The following EXOC4 variants were observed in gnomAD, a reference collection of about 807,000 sequenced individuals.
EXOC4 encodes the protein SEC8-like 1.
In EXOC4, 71 loss-of-function variants were observed where a neutral mutation model predicts 107.2. That is an observed-to-expected ratio of 0.66 (90% CI 0.55 to 0.81). The LOEUF (loss-of-function observed/expected upper bound fraction) is 0.81, where lower values mean the gene tolerates loss of function less well. EXOC4 is among the 30% of genes least tolerant of loss of function. The pLI is 0.00. For synonymous variants in EXOC4, 456 were observed against 441.2 expected (o/e 1.03, Z -0.42); for missense variants, 1,108 against 1,189.6 (o/e 0.93, Z 1.01).
At chr7:133,676,181 C>G (rs1203334062) in intron 10 of EXOC4, among the ~76,000 whole-genome samples, 4 of 151,954 alleles carry the variant, frequency 2.6e-5, no homozygotes, top group South Asian at 2.1e-4. Flanking sequence ...GTTCTAGATA[C>G]TAGATGGTAC....
At chr7:133,349,130 GTT>G (rs11288847) in intron 5 of EXOC4, among the ~76,000 whole-genome samples, 62 of 148,890 alleles carry the variant, frequency 4.2e-4, no homozygotes, top group Admixed American at 8.0e-4. Flanking sequence ...AGATTTAAAT[GTT>G]TTTTTTTTTT....
At chr7:134,086,928 C>T in the EXOC4 span, among the ~76,000 whole-genome samples, 2 of 152,156 alleles carry the variant, frequency 1.3e-5, no homozygotes, top group African/African-American at 2.4e-5. Flanking sequence ...TGTAAACTGT[C>T]ATGGTACTGG....
intron 7 of EXOC4, among the ~76,000 whole-genome samples, chr7:133,438,031 C>T (rs986124611): frequency 6.6e-6 from 1 of 152,152 alleles, no homozygotes; most frequent in Non-Finnish European, 1.5e-5. Context: ...AATTAATTTG[C>T]TACCTCTGAC....
rs550729704 is a variant in EXOC4 at position 133,832,258 on chromosome 7, C to T, written c.1734+14714C>T. 1.5e-4 allele frequency among the ~76,000 whole-genome samples: 23 copies of T among 152,254 alleles called. No individual in the cohort carries two copies. The South Asian group carries it at 1.9e-3, about 12-fold the overall frequency. ...GTTTTACACATTTGTAATAGTTAGA[C>T]GGTTTTGTCACATTCTGCACTAAAT... On this transcript the variant is annotated intron_variant, in intron 11 of 17. Transcript: ENST00000253861.
intron 11 of EXOC4, among the ~76,000 whole-genome samples, chr7:133,865,042 G>GA (rs1438790485): frequency 2.6e-5 from 4 of 152,178 alleles, no homozygotes; most frequent in Non-Finnish European, 5.9e-5. Flanking sequence ...ATCCTTGTCT[G>GA]AAAAATGAAA....
At chr7:134,054,284 A>C (rs1204684763) in intron 17 of EXOC4, among the ~76,000 whole-genome samples, 1 of 151,724 alleles carries the variant, frequency 6.6e-6, no homozygotes, top group African/African-American at 2.4e-5. Context: ...CTTAACACCC[A>C]CCCCAACACA....
intron 7 of EXOC4, among the ~76,000 whole-genome samples, chr7:133,468,180 G>A (rs1798778984): frequency 6.6e-6 from 1 of 152,182 alleles, no homozygotes; most frequent in South Asian, 2.1e-4. Context: ...AAATACATGT[G>A]TACTCTTGGA....
intron 10 of EXOC4, among the ~76,000 whole-genome samples, chr7:133,636,645 A>G (rs1031249819): frequency 1.3e-5 from 2 of 152,204 alleles, no homozygotes; most frequent in African/African-American, 4.8e-5. Flanking sequence ...TTCAAATTGC[A>G]AAGTGTTACT....
At chr7:133,355,962 G>A (rs924349656) in intron 5 of EXOC4, among the ~76,000 whole-genome samples, 1 of 152,096 alleles carries the variant, frequency 6.6e-6, no homozygotes, top group Non-Finnish European at 1.5e-5. Context: ...CTGAGGCTAG[G>A]ATCCAGCTCT....
At chr7:133,979,265 T>A (rs1793915854) in intron 14 of EXOC4, among the ~76,000 whole-genome samples, 1 of 152,156 alleles carries the variant, frequency 6.6e-6, no homozygotes, top group African/African-American at 2.4e-5. Context: ...AGATTCAGAA[T>A]CATTACTGTC....
intron 10 of EXOC4, 133 bp downstream of exon 10, chr7:133,630,274 C>T: frequency 1.6e-6 from 1 of 638,670 alleles, no homozygotes; most frequent in Non-Finnish European, 2.7e-6. Flanking sequence ...TAGGGCCTCA[C>T]TATTAAAGTT....
chr7:133,717,683 A>G (rs1019051734), intron 10 of EXOC4, among the ~76,000 whole-genome samples: 4 of 152,232 alleles, frequency 2.6e-5, no homozygotes, highest in Non-Finnish European at 4.4e-5. Context: ...TTACACACAT[A>G]CACACACAAC....
At chr7:133,662,715 C>T (rs533164703) in intron 10 of EXOC4, among the ~76,000 whole-genome samples, 3 of 151,174 alleles carry the variant, frequency 2.0e-5, no homozygotes, top group Admixed American at 1.3e-4. Context: ...GTGTATAAAA[C>T]AAGAAAAAAA....
At chr7:133,958,027 G>C (rs895180416) in intron 14 of EXOC4, among the ~76,000 whole-genome samples, 1 of 152,158 alleles carries the variant, frequency 6.6e-6, no homozygotes, top group Admixed American at 6.5e-5. Context: ...ATGGGGCCTC[G>C]TGATACTTCC....
chr7:133,717,152 T>C (rs547355251), intron 10 of EXOC4, among the ~76,000 whole-genome samples: 1 of 152,166 alleles, frequency 6.6e-6, no homozygotes, highest in African/African-American at 2.4e-5. Context: ...TTCTGAAAGG[T>C]TCACTATTTT....
chr7:133,478,792 C>G (rs1413763609), intron 8 of EXOC4: 1 of 152,066 alleles, frequency 6.6e-6, no homozygotes, highest in Non-Finnish European at 1.5e-5. Context: ...TTTGCCGTAT[C>G]TGATCAATAG....
In EXOC4 at chr7:134,065,759, A is replaced by T. The variant is rs1013439069; in HGVS notation, c.*1231A>T. 6.6e-6 allele frequency: 1 copy of T among 152,224 alleles called. No individual in the cohort carries two copies. Among genetic ancestry groups the T allele is most frequent in the Non-Finnish European group, 1.5e-5 (1 of 68,038 alleles). The allele number at this position is 152,224 out of a possible 1,614,324, so 9.4% of individuals were successfully genotyped here. ...AATTAAAAAGTGTTTTGAGAAGCTTAAATGTTTCATGTTATTTTTCTTGTG... is the reference window on the plus strand; with the variant it reads ...AATTAAAAAGTGTTTTGAGAAGCTTTAATGTTTCATGTTATTTTTCTTGTG... On this transcript the variant is annotated 3_prime_UTR_variant, in exon 18 of 18. Transcript: ENST00000253861.
At chr7:134,049,096 G>A (rs1204387550) in intron 17 of EXOC4, among the ~76,000 whole-genome samples, 1 of 152,108 alleles carries the variant, frequency 6.6e-6, no homozygotes, top group Non-Finnish European at 1.5e-5. Flanking sequence ...GAAAAATAAT[G>A]ACTGTACTTT....
At chr7:133,574,250 CAT>C (rs1159843763) in intron 9 of EXOC4, among the ~76,000 whole-genome samples, 1 of 151,942 alleles carries the variant, frequency 6.6e-6, no homozygotes, top group African/African-American at 2.4e-5. Context: ...CATGCATAAT[CAT>C]ATACTCATGT....
Sources: allele counts gnomAD v4.1 joint callset (sites outside exome capture counted in the v4.1 genomes callset), GRCh38; gene constraint gnomAD v4.1.1; transcripts MANE v1.5; gene names NCBI Gene and HGNC (gene_info 2026-07-23, HGNC 2026-07-21).